The following LEMD3 variants were observed in gnomAD, a reference collection of about 807,000 sequenced individuals.
LEMD3 encodes the protein inner nuclear membrane protein Man1.
Under a neutral mutation model 95.2 loss-of-function variants are expected in LEMD3, and 33 were observed. That is an observed-to-expected ratio of 0.35 (90% CI 0.26 to 0.46). The LOEUF is 0.46. Ranked by LOEUF, LEMD3 falls within the 20% of genes least tolerant of loss-of-function variation. LEMD3 has a pLI of 1.00. For missense variants in LEMD3, 1,210 were observed against 1,192.8 expected, an observed-to-expected ratio of 1.01 and a Z score of -0.21; for synonymous variants, 525 against 474.6, an observed-to-expected ratio of 1.11 and a Z score of -1.38.
chr12:65,173,474 A>G (rs1197642959), intron 1 of LEMD3, among the ~76,000 whole-genome samples: 3 of 152,226 alleles, frequency 2.0e-5, no homozygotes, highest in Non-Finnish European at 2.9e-5. Flanking sequence ...TAAGAAGTAG[A>G]GGATCTAGGT....
At chr12:65,207,535 GA>G (rs1675686412) in intron 1 of LEMD3, among the ~76,000 whole-genome samples, 1 of 152,100 alleles carries the variant, frequency 6.6e-6, no homozygotes, top group South Asian at 2.1e-4. Context: ...AATTGGAGAA[GA>G]AAAACATTCA....
At chr12:65,194,542 GTCGTGGGTC>G (rs1386620810) in intron 1 of LEMD3, among the ~76,000 whole-genome samples, 2 of 151,978 alleles carry the variant, frequency 1.3e-5, no homozygotes, top group African/African-American at 2.4e-5. Flanking sequence ...TGAGTCAAGG[GTCGTGGGTC>G]TGGATGGGGC....
At chr12:65,204,412 T>C (rs1170849637) in intron 1 of LEMD3, among the ~76,000 whole-genome samples, 1 of 152,142 alleles carries the variant, frequency 6.6e-6, no homozygotes, top group Non-Finnish European at 1.5e-5. Flanking sequence ...CTCCCACTTA[T>C]AAGTGAGAAC....
At position 65,170,571 on chromosome 12, in the gene LEMD3, C is replaced by A. The variant is rs375580551; in HGVS notation, c.975C>A (p.Ala325=). ...CGATGAATGACAGGGCGGCGGCTGC[C>A]GGGAGTCTAGACAGGAGCCGAAACC... ...GLAMNDRAAA[A]GSLDRSRNLE... Residue 325 remains alanine, a synonymous_variant, in exon 1 of 13, where the codon GCC becomes GCA. Transcript: ENST00000308330. 4.3e-6 allele frequency: 7 copies of A among 1,613,896 alleles called. No homozygotes were observed. The South Asian group carries it at 7.7e-5, about 18-fold the overall frequency.
At chr12:65,215,558 C>T (rs1049593511) in intron 2 of LEMD3, among the ~76,000 whole-genome samples, 1 of 152,158 alleles carries the variant, frequency 6.6e-6, no homozygotes, top group African/African-American at 2.4e-5. Flanking sequence ...CGTGCCAGTA[C>T]TCATTCCCTT....
At chr12:65,220,531 A>G (rs1870251492) in intron 4 of LEMD3, among the ~76,000 whole-genome samples, 1 of 151,534 alleles carries the variant, frequency 6.6e-6, no homozygotes, top group Non-Finnish European at 1.5e-5. Context: ...TTTTCACTGT[A>G]TTCACTGTTT....
At chr12:65,237,367 A>G (rs774461357) in intron 4 of LEMD3, among the ~76,000 whole-genome samples, 10 of 152,196 alleles carry the variant, frequency 6.6e-5, no homozygotes, top group Non-Finnish European at 1.2e-4. Context: ...ATTGATATGT[A>G]GTCAAAACAT....
In LEMD3 at chr12:65,194,259, T is replaced by C. The variant is rs970671522; in HGVS notation, c.1523-16667T>C. ...TCTTGTAACCATCCAGTGGGTTCAT[T>C]TTGCCTGTTGCCCAGATAGAGCTGA... On this transcript the variant is annotated intron_variant, in intron 1 of 12. Coordinates refer to ENST00000308330, the MANE Select transcript of LEMD3 (RefSeq NM_014319.5). Among the ~76,000 whole-genome samples the C allele has an allele frequency of 2.0e-5, 3 of 152,098 alleles. No homozygotes were observed. In the East Asian group the frequency reaches 5.8e-4, roughly 29 times the overall value.
At chr12:65,245,976 T>G (rs1163755239) in intron 12 of LEMD3, 37 bp downstream of exon 12, 2 of 1,483,150 alleles carry the variant, frequency 1.3e-6, no homozygotes, top group Non-Finnish European at 1.9e-6. Flanking sequence ...TTTGAAAAGA[T>G]AGTTATAGTT....
chr12:65,192,562 T>G (rs914376644), intron 1 of LEMD3, among the ~76,000 whole-genome samples: 1 of 152,192 alleles, frequency 6.6e-6, no homozygotes, highest in Non-Finnish European at 1.5e-5. Context: ...AAACATGTCT[T>G]ACTTTCCTCC....
chr12:65,203,201 GA>G (rs541856173), intron 1 of LEMD3, among the ~76,000 whole-genome samples: 157 of 152,090 alleles, frequency 1.0e-3, no homozygotes, highest in Non-Finnish European at 1.7e-3. Context: ...GCAATTTTTT[GA>G]ATTTCTGCAA....
intron 1 of LEMD3, among the ~76,000 whole-genome samples, chr12:65,208,804 G>A (rs534729851): frequency 7.9e-5 from 12 of 152,164 alleles, no homozygotes; most frequent in African/African-American, 2.6e-4. Flanking sequence ...AAATTTTAAC[G>A]AAGTTTTGTT....
At position 65,246,598 on chromosome 12, in the gene LEMD3, C is replaced by A; in HGVS notation, c.*273C>A. 4.9e-6 allele frequency: 2 copies of A among 406,800 alleles called. No homozygotes were observed. Among genetic ancestry groups the A allele is most frequent in the South Asian group, 5.5e-5 (2 of 36,428 alleles). 25.2% of individuals were successfully genotyped at this position (406,800 alleles called of 1,614,324 possible). On this transcript the variant is annotated 3_prime_UTR_variant, in exon 13 of 13. Coordinates refer to ENST00000308330, the MANE Select transcript of LEMD3 (RefSeq NM_014319.5). The stretch of plus-strand genomic sequence containing the variant: ...GAACACTGACTTTATTAAGCATTTT[C>A]AGATGTGGTGGTTGTATTTTTGCCC...
chr12:65,195,841 G>T (rs1869414819), intron 1 of LEMD3, among the ~76,000 whole-genome samples: 2 of 152,130 alleles, frequency 1.3e-5, no homozygotes, highest in African/African-American at 4.8e-5. Flanking sequence ...TTTTATAGAT[G>T]TAAATTTCCC....
intron 1 of LEMD3, among the ~76,000 whole-genome samples, chr12:65,179,539 G>GTAC (rs1868836114): frequency 6.6e-6 from 1 of 152,120 alleles, no homozygotes; most frequent in South Asian, 2.1e-4. Context: ...AAATGTATTT[G>GTAC]TTAATAAATA....
intron 4 of LEMD3, among the ~76,000 whole-genome samples, chr12:65,226,524 T>A (rs1048744203): frequency 1.3e-5 from 2 of 152,198 alleles, no homozygotes; most frequent in Non-Finnish European, 2.9e-5. Context: ...ATGTAGTATA[T>A]GTTTTAAGGC....
chr12:65,209,464 AT>A (rs779760514), intron 1 of LEMD3, among the ~76,000 whole-genome samples: 157 of 152,122 alleles, frequency 1.0e-3, no homozygotes, highest in Middle Eastern at 3.4e-3. Context: ...ATGACAAGGC[AT>A]TTTTTTGGTA....
chr12:65,208,730 T>C (rs1015328183), intron 1 of LEMD3, among the ~76,000 whole-genome samples: 11 of 152,278 alleles, frequency 7.2e-5, no homozygotes, highest in Non-Finnish European at 4.4e-5. Flanking sequence ...GTTTTACTTC[T>C]GCTGTTGTTA....
chr12:65,174,133 A>G (rs905182602), intron 1 of LEMD3, among the ~76,000 whole-genome samples: 7 of 152,206 alleles, frequency 4.6e-5, no homozygotes, highest in Admixed American at 1.3e-4. Flanking sequence ...TTTAAATTAC[A>G]TATAACATAT....
Sources: gnomAD v4.1 joint callset for allele counts (sites outside exome capture counted in the v4.1 genomes callset) on GRCh38, gnomAD v4.1.1 for gene constraint, MANE v1.5 for transcripts, NCBI Gene and HGNC (gene_info 2026-07-23, HGNC 2026-07-21) for gene names.